Variants in BMPR1B observed in about 807,000 individuals in gnomAD.
BMPR1B encodes the protein bone morphogenetic protein receptor type-1B.
Under a neutral mutation model 59.1 loss-of-function variants are expected in BMPR1B, and 12 were observed. The observed-to-expected ratio is 0.20, with a 90% CI of 0.13 to 0.33. The LOEUF (loss-of-function observed/expected upper bound fraction) is 0.33. Ranked by LOEUF, BMPR1B falls within the 10% of genes least tolerant of loss-of-function variation. The pLI is 1.00. For missense variants in BMPR1B, 550 were observed against 610.9 expected, an observed-to-expected ratio of 0.90 and a Z score of 1.05; for synonymous variants, 237 against 207.3, an observed-to-expected ratio of 1.14 and a Z score of -1.23.
chr4:95,006,228 AC>A (rs1233679712), intron 3 of BMPR1B, among the ~76,000 whole-genome samples: 1 of 151,694 alleles, frequency 6.6e-6, no homozygotes, highest in African/African-American at 2.4e-5. Flanking sequence ...CTGAGATTGC[AC>A]CATTGCACCA....
chr4:94,841,118 G>C (rs542784489), intron 1 of BMPR1B, among the ~76,000 whole-genome samples: 1 of 148,924 alleles, frequency 6.7e-6, no homozygotes, highest in African/African-American at 2.5e-5. Flanking sequence ...CAGTCTGCCC[G>C]TTCTCAGATC....
chr4:94,823,908 T>C (rs1578684410), intron 1 of BMPR1B, among the ~76,000 whole-genome samples: 1 of 152,052 alleles, frequency 6.6e-6, no homozygotes, highest in Non-Finnish European at 1.5e-5. Flanking sequence ...CCACCACGCC[T>C]GGCTAATTTT....
intron 1 of BMPR1B, among the ~76,000 whole-genome samples, chr4:94,809,940 A>G (rs1723748943): frequency 6.6e-6 from 1 of 152,232 alleles, no homozygotes; most frequent in Non-Finnish European, 1.5e-5. Flanking sequence ...AAAAGAAAGT[A>G]TACAGTTCAG....
At chr4:94,975,406 C>A (rs1730991847) in intron 2 of BMPR1B, among the ~76,000 whole-genome samples, 1 of 143,972 alleles carries the variant, frequency 6.9e-6, no homozygotes, top group Admixed American at 7.4e-5. Context: ...TCCCGTCACC[C>A]AGGCTGAAGT....
chr4:94,916,916 G>A (rs1728502673), intron 2 of BMPR1B, among the ~76,000 whole-genome samples: 1 of 152,212 alleles, frequency 6.6e-6, no homozygotes, highest in Non-Finnish European at 1.5e-5. Context: ...GGGACCTGCT[G>A]CCCTGTGCAG....
At chr4:95,098,090 A>T (rs1050775669) in intron 3 of BMPR1B, among the ~76,000 whole-genome samples, 4 of 152,096 alleles carry the variant, frequency 2.6e-5, no homozygotes, top group Non-Finnish European at 5.9e-5. Flanking sequence ...AATATAATAA[A>T]ATGTGAGAAA....
chr4:95,127,276 G>A (rs1350720952), intron 8 of BMPR1B, among the ~76,000 whole-genome samples: 1 of 152,076 alleles, frequency 6.6e-6, no homozygotes, highest in African/African-American at 2.4e-5. Flanking sequence ...TTTAGGTACA[G>A]AAGGACCAGA....
chr4:94,781,908 A>G (rs1722604875), intron 1 of BMPR1B, among the ~76,000 whole-genome samples: 1 of 151,880 alleles, frequency 6.6e-6, no homozygotes, highest in Admixed American at 6.6e-5. Flanking sequence ...ATATTTATTT[A>G]TATGCTCTCA....
At chr4:95,018,060 A>C (rs1234366999) in intron 3 of BMPR1B, among the ~76,000 whole-genome samples, 1 of 152,210 alleles carries the variant, frequency 6.6e-6, no homozygotes, top group African/African-American at 2.4e-5. Context: ...TAATAAAGTC[A>C]GTTCACATTA....
intron 2 of BMPR1B, among the ~76,000 whole-genome samples, chr4:94,883,750 G>GC (rs1466145244): frequency 2.6e-5 from 4 of 152,138 alleles, no homozygotes; most frequent in African/African-American, 9.7e-5. Context: ...GTTAGACTAA[G>GC]GGTAAAGCAG....
intron 2 of BMPR1B, among the ~76,000 whole-genome samples, chr4:94,886,190 ATATAG>A (rs1727163971): frequency 6.6e-6 from 1 of 152,230 alleles, no homozygotes; most frequent in Admixed American, 6.5e-5. Flanking sequence ...GCTTGGATAG[ATATAG>A]TAAGAAATAA....
At chr4:94,921,619 A>G (rs562981595) in intron 2 of BMPR1B, among the ~76,000 whole-genome samples, 1 of 152,214 alleles carries the variant, frequency 6.6e-6, no homozygotes. Context: ...CAGCATCAAG[A>G]AGATGGTGCT....
chr4:94,929,110 G>A (rs181947277), intron 2 of BMPR1B, among the ~76,000 whole-genome samples: 34 of 152,144 alleles, frequency 2.2e-4, no homozygotes, highest in Admixed American at 6.6e-5. Flanking sequence ...TGGCTACTAC[G>A]ATGGCTTAAG....
chr4:94,877,543 C>A (rs796808008), intron 2 of BMPR1B, among the ~76,000 whole-genome samples: 18 of 152,308 alleles, frequency 1.2e-4, no homozygotes, highest in African/African-American at 4.3e-4. Context: ...GAGCGGGTGC[C>A]TATAGGCACC....
intron 3 of BMPR1B, among the ~76,000 whole-genome samples, chr4:95,044,821 T>C (rs113932170): frequency 6.6e-6 from 1 of 152,274 alleles, no homozygotes; most frequent in Admixed American, 6.5e-5. Flanking sequence ...TTGTGGTCTT[T>C]ATAAACTCCA....
intron 2 of BMPR1B, among the ~76,000 whole-genome samples, chr4:94,929,217 G>T (rs1030712524): frequency 9.2e-5 from 14 of 152,086 alleles, no homozygotes; most frequent in Admixed American, 6.6e-4. Context: ...TTAAACATTT[G>T]TTTGGTATTG....
At chr4:94,817,721 C>T (rs984545274) in intron 1 of BMPR1B, among the ~76,000 whole-genome samples, 1 of 152,038 alleles carries the variant, frequency 6.6e-6, no homozygotes, top group African/African-American at 2.4e-5. Flanking sequence ...TAGTGTCTGC[C>T]CTATGCTTCA....
At chr4:95,004,856 C>G (rs1300137711) in intron 3 of BMPR1B, among the ~76,000 whole-genome samples, 30 of 152,062 alleles carry the variant, frequency 2.0e-4, no homozygotes, top group Non-Finnish European at 2.9e-5. Flanking sequence ...ATTCGCAGTT[C>G]TTTGAATGTG....
At position 95,156,281 on chromosome 4, in the gene BMPR1B, T is replaced by G. The variant is rs1261438703; in HGVS notation, c.*1608T>G. 3.3e-5 allele frequency: 5 copies of G among 151,968 alleles called. No homozygotes were observed. Among genetic ancestry groups the G allele is most frequent in the African/African-American group, 9.7e-5 (4 of 41,382 alleles). The allele number at this position is 151,968 out of a possible 1,614,324, so 9.4% of individuals were successfully genotyped here. On this transcript the variant is annotated 3_prime_UTR_variant, in exon 13 of 13. Coordinates refer to ENST00000515059, the MANE Select transcript of BMPR1B (RefSeq NM_001203.3). ...TTTTGCTTCTTAGAAATTCTGTTAG[T>G]GGTTAGTAAAGAATTTGAAAGTACT...
Sources: allele counts gnomAD v4.1 joint callset (sites outside exome capture counted in the v4.1 genomes callset), GRCh38; gene constraint gnomAD v4.1.1; transcripts MANE v1.5; gene names NCBI Gene and HGNC (gene_info 2026-07-23, HGNC 2026-07-21).